SGCZ: variants seen among roughly 807,000 people sequenced by gnomAD.
The protein encoded by SGCZ is sarcoglycan zeta.
Under a neutral mutation model 41.3 loss-of-function variants are expected in SGCZ, and 40 were observed. That is an observed-to-expected ratio of 0.97 (90% CI 0.75 to 1.26). SGCZ has a LOEUF of 1.26. Ranked by LOEUF, SGCZ falls within the 50% of genes most tolerant of loss-of-function variation. The pLI is 0.00. For synonymous variants in SGCZ, 206 were observed against 137.5 expected (o/e 1.50, Z -3.49); for missense variants, 552 against 369.8 (o/e 1.49, Z -4.04).
chr8:14,737,446 A>C (rs17120165), intron 1 of SGCZ, among the ~76,000 whole-genome samples: 5,558 of 152,116 alleles, frequency 0.037, 156 homozygotes, highest in African/African-American at 0.078. Context: ...TCTTAATTTC[A>C]ATCAATCCTC....
rs976405274 is a variant in SGCZ at position 14,498,792 on chromosome 8, A to T, written c.234+55940T>A. On this transcript the variant is annotated intron_variant, in intron 2 of 7. Coordinates refer to ENST00000382080, the MANE Select transcript of SGCZ (RefSeq NM_139167.4). Reference sequence around the variant, plus strand: ...CTAAAAATTAAAAACATATATTTTAAATCTCCATATTATTGTTTAATTTTT... The same window carrying T: ...CTAAAAATTAAAAACATATATTTTATATCTCCATATTATTGTTTAATTTTT... 9.9e-5 allele frequency among the ~76,000 whole-genome samples: 15 copies of T among 152,026 alleles called. No homozygotes were observed. In the South Asian group the frequency reaches 1.4e-3, roughly 15 times the overall value.
chr8:14,859,324 T>C (rs1803644530), intron 1 of SGCZ, among the ~76,000 whole-genome samples: 1 of 152,120 alleles, frequency 6.6e-6, no homozygotes, highest in South Asian at 2.1e-4. Context: ...TTTGGGACCA[T>C]TCATTTGATT....
chr8:14,851,286 A>G (rs1440940100), intron 1 of SGCZ, among the ~76,000 whole-genome samples: 2 of 143,968 alleles, frequency 1.4e-5, no homozygotes, highest in Admixed American at 7.4e-5. Context: ...GGAGAATGGC[A>G]TGAACCTGGG....
chr8:14,813,471 C>A (rs1044487606), intron 1 of SGCZ, among the ~76,000 whole-genome samples: 1 of 152,076 alleles, frequency 6.6e-6, no homozygotes, highest in African/African-American at 2.4e-5. Context: ...TTACACAACT[C>A]TGTTTGGGGA....
intron 7 of SGCZ, among the ~76,000 whole-genome samples, chr8:14,096,104 T>C (rs1381581696): frequency 6.6e-6 from 1 of 152,102 alleles, no homozygotes; most frequent in African/African-American, 2.4e-5. Flanking sequence ...TTTCTTTCTT[T>C]TTCCTGACTG....
rs377235317 is a variant in SGCZ, at chr8:14,608,869, C to A, written c.40-53943G>T. ...GAAAAAAAATGACAAAAAAAAGGTC[C>A]AACTTTTTCTAAGATCATTAATATT... is the stretch of plus-strand genomic sequence containing the variant. On this transcript the variant is annotated intron_variant, in intron 1 of 7. Transcript: ENST00000382080. Among the ~76,000 whole-genome samples, 61 of 151,986 alleles carry A rather than the reference C, an allele frequency of 4.0e-4. No homozygotes were observed. The East Asian group carries it at 7.0e-3, about 17-fold the overall frequency.
At chr8:14,548,137 C>G (rs913184256) in intron 2 of SGCZ, among the ~76,000 whole-genome samples, 1 of 152,092 alleles carries the variant, frequency 6.6e-6, no homozygotes, top group Non-Finnish European at 1.5e-5. Flanking sequence ...TGAAATAGAT[C>G]ACACCCACTC....
At chr8:14,205,401 T>G (rs1049667175) in intron 4 of SGCZ, among the ~76,000 whole-genome samples, 1 of 152,176 alleles carries the variant, frequency 6.6e-6, no homozygotes, top group Non-Finnish European at 1.5e-5. Context: ...AAGTTAAAAT[T>G]TAATGTTATT....
chr8:14,252,651 A>G (rs1260140995), intron 3 of SGCZ, among the ~76,000 whole-genome samples: 3 of 152,134 alleles, frequency 2.0e-5, no homozygotes, highest in Non-Finnish European at 4.4e-5. Context: ...AGAGATGAGT[A>G]CAAACCTCGA....
intron 3 of SGCZ, among the ~76,000 whole-genome samples, chr8:14,308,795 G>T (rs1368167812): frequency 6.6e-6 from 1 of 152,018 alleles, no homozygotes; most frequent in Non-Finnish European, 1.5e-5. Flanking sequence ...AGAAATATCA[G>T]AAACAGTGAT....
intron 1 of SGCZ, among the ~76,000 whole-genome samples, chr8:14,930,251 T>A (rs892080520): frequency 6.6e-6 from 1 of 151,902 alleles, no homozygotes; most frequent in Non-Finnish European, 1.5e-5. Context: ...TCATCAGGAA[T>A]TGTCTAGAGA....
At chr8:15,234,888 C>A (rs933857389) in intron 1 of SGCZ, among the ~76,000 whole-genome samples, 15 of 151,752 alleles carry the variant, frequency 9.9e-5, no homozygotes, top group African/African-American at 3.7e-4. Flanking sequence ...CACTGATCAT[C>A]TAAAACTAAG....
At chr8:14,266,827 A>G (rs1307372105) in intron 3 of SGCZ, among the ~76,000 whole-genome samples, 5 of 152,142 alleles carry the variant, frequency 3.3e-5, no homozygotes, top group Non-Finnish European at 5.9e-5. Context: ...CACAGATCCG[A>G]CATAAACTGG....
rs373900939 is a variant in SGCZ at position 14,807,922 on chromosome 8, C to T, written c.40-252996G>A. ...AACAGAACAGAGCCCTCAGAAATAA[C>T]GCCGCATATCTACAACTATCTGATC... On this transcript the variant is annotated intron_variant, in intron 1 of 7. Coordinates refer to ENST00000382080, the MANE Select transcript of SGCZ (RefSeq NM_139167.4). Among the ~76,000 whole-genome samples, 832 of 151,800 alleles carry T rather than the reference C, an allele frequency of 5.5e-3. 9 individuals are homozygous for T. The highest frequency in any genetic ancestry group is 0.019 in the African/African-American group (783 of 41,360).
chr8:14,150,635 A>T lies in SGCZ; in HGVS notation c.547+13945T>A, dbSNP rs146808050. ...GGAGCCTCCTCAGAAAACAAAAAAAATTGAGCTACCATATGATCCAGCAAT... is the reference window on the plus strand; with the variant it reads ...GGAGCCTCCTCAGAAAACAAAAAAATTTGAGCTACCATATGATCCAGCAAT... On this transcript the variant is annotated intron_variant, in intron 5 of 7. Transcript: ENST00000382080. Among the ~76,000 whole-genome samples the T allele has an allele frequency of 1.2e-3, 178 of 152,252 alleles. 1 individual carries two copies. Among genetic ancestry groups the T allele is most frequent in the Middle Eastern group, 3.4e-3 (1 of 294 alleles).
chr8:14,594,005 C>T (rs7829099), intron 1 of SGCZ, among the ~76,000 whole-genome samples: 79,820 of 151,198 alleles, frequency 0.53, 21,578 homozygotes, highest in Non-Finnish European at 0.61. Flanking sequence ...TGAAACCCTG[C>T]TTCTTCTAAA....
intron 5 of SGCZ, among the ~76,000 whole-genome samples, chr8:14,112,446 G>A (rs892299090): frequency 1.3e-5 from 2 of 152,052 alleles, no homozygotes; most frequent in South Asian, 4.1e-4. Context: ...AGCTTTTCAG[G>A]TCCAGGGATA....
At chr8:14,450,829 C>T (rs1305785474) in intron 2 of SGCZ, among the ~76,000 whole-genome samples, 2 of 152,146 alleles carry the variant, frequency 1.3e-5, no homozygotes, top group Non-Finnish European at 2.9e-5. Flanking sequence ...ACCTGGGCTT[C>T]AGCTCTATTT....
At chr8:14,560,996 C>A (rs1804191653) in intron 1 of SGCZ, among the ~76,000 whole-genome samples, 1 of 152,048 alleles carries the variant, frequency 6.6e-6, no homozygotes. Flanking sequence ...TACTTTAGAG[C>A]ATCTACGCTG....
Sources: allele counts gnomAD v4.1 joint callset (sites outside exome capture counted in the v4.1 genomes callset), GRCh38; gene constraint gnomAD v4.1.1; transcripts MANE v1.5; gene names NCBI Gene and HGNC (gene_info 2026-07-23, HGNC 2026-07-21).